The following ZFHX3 variants were observed in gnomAD, a reference collection of about 807,000 sequenced individuals.
The protein encoded by ZFHX3 is zinc finger homeobox 3, also known as zinc finger homeobox protein 3.
A neutral mutation model predicts 279.1 loss-of-function variants in ZFHX3; 42 were observed. The ratio of observed to expected loss-of-function variants is 0.15; its 90% CI spans 0.12 to 0.19. The LOEUF is 0.19. Among genes scored for constraint, ZFHX3 ranks in the 10% least tolerant of loss-of-function variants. The pLI, the probability that ZFHX3 is intolerant of heterozygous loss-of-function variation, is 1.00. For synonymous variants in ZFHX3, 2,293 were observed against 1,957.8 expected, an observed-to-expected ratio of 1.17 and a Z score of -4.52; for missense variants, 4,981 against 4,754.0, an observed-to-expected ratio of 1.05 and a Z score of -1.40.
At chr16:72,852,879 A>G (rs2037653919) in intron 4 of ZFHX3, among the ~76,000 whole-genome samples, 1 of 152,202 alleles carries the variant, frequency 6.6e-6, no homozygotes, top group African/African-American at 2.4e-5. Context: ...TCACTAAGTC[A>G]TTAGTTAAAC....
intron 1 of ZFHX3, among the ~76,000 whole-genome samples, chr16:73,694,619 G>C (rs1336153449): frequency 6.6e-6 from 1 of 152,176 alleles, no homozygotes; most frequent in Non-Finnish European, 1.5e-5. Context: ...TGGGATTACA[G>C]GCGTGAGCCA....
intron 1 of ZFHX3, among the ~76,000 whole-genome samples, chr16:73,055,682 G>A (rs1053586295): frequency 2.0e-5 from 2 of 100,742 alleles, no homozygotes; most frequent in Non-Finnish European, 4.2e-5. Context: ...AGACGTACGC[G>A]CGCGCGCGCG....
At chr16:73,563,503 C>T (rs2020407209) in intron 2 of ZFHX3, among the ~76,000 whole-genome samples, 1 of 151,862 alleles carries the variant, frequency 6.6e-6, no homozygotes, top group African/African-American at 2.4e-5. Flanking sequence ...GTGATCCGCC[C>T]GCCTCAGCCT....
chr16:72,823,645 G>T (rs8058014), intron 5 of ZFHX3, among the ~76,000 whole-genome samples: 127,445 of 152,210 alleles, frequency 0.84, 53,836 homozygotes, highest in East Asian at 0.96. Flanking sequence ...AGAGAAATCT[G>T]GGAAAGTTAT....
chr16:73,253,195 A>C (rs1026929502), intron 5 of ZFHX3, among the ~76,000 whole-genome samples: 1 of 152,184 alleles, frequency 6.6e-6, no homozygotes, highest in Non-Finnish European at 1.5e-5. Context: ...TAAAGAAAGA[A>C]GGAGAGAATC....
Position 73,352,161 on chromosome 16 carries a change from TTA to T in ZFHX3, c.-1290-33827_-1290-33826del, listed in dbSNP as rs551168054. 1.1e-3 allele frequency among the ~76,000 whole-genome samples: 160 copies of T among 152,306 alleles called. 1 individual carries two copies. Among genetic ancestry groups the T allele is most frequent in the African/African-American group, 3.5e-3 (144 of 41,562 alleles). On this transcript the variant is annotated intron_variant, in intron 3 of 17. Transcript: ENST00000641206. ...GGTACTATCTTTTATACACAGCCTT[TTA>T]GCTCATGCCTCTCACCCGCAGAGAG...
intron 1 of ZFHX3, among the ~76,000 whole-genome samples, chr16:72,965,266 A>C (rs909746297): frequency 6.6e-6 from 1 of 152,204 alleles, no homozygotes; most frequent in African/African-American, 2.4e-5. Flanking sequence ...GCACCCAGGG[A>C]CTGTCCTAAG....
At chr16:73,397,121 T>C (rs1012901384) in intron 3 of ZFHX3, among the ~76,000 whole-genome samples, 1 of 152,214 alleles carries the variant, frequency 6.6e-6, no homozygotes. Flanking sequence ...GTTACTTACA[T>C]GGATGTCTAA....
intron 2 of ZFHX3, chr16:73,483,482 G>A (rs1275440839): frequency 2.3e-6 from 1 of 428,920 alleles, no homozygotes; most frequent in Middle Eastern, 3.5e-4. Context: ...AATTCAAATG[G>A]CAGTTCCGTC....
intron 4 of ZFHX3, among the ~76,000 whole-genome samples, chr16:73,260,662 T>C (rs1167729875): frequency 6.6e-6 from 1 of 151,006 alleles, no homozygotes; most frequent in Non-Finnish European, 1.5e-5. Context: ...TGTTCTTTGT[T>C]AGTGGTGCAC....
intron 2 of ZFHX3, among the ~76,000 whole-genome samples, chr16:73,549,887 AAAT>A (rs2020177711): frequency 6.6e-6 from 1 of 151,664 alleles, no homozygotes; most frequent in African/African-American, 2.4e-5. Context: ...TTTCCCATCA[AAAT>A]TACATGAGAA....
intron 5 of ZFHX3, among the ~76,000 whole-genome samples, chr16:73,230,642 C>G (rs566996401): frequency 1.3e-5 from 2 of 152,178 alleles, no homozygotes; most frequent in African/African-American, 4.8e-5. Flanking sequence ...GTACCTTCAT[C>G]AGTAGACCTA....
At chr16:73,760,796 TA>T (rs2053856047) in intron 1 of ZFHX3, among the ~76,000 whole-genome samples, 1 of 151,972 alleles carries the variant, frequency 6.6e-6, no homozygotes, top group Admixed American at 6.6e-5. Context: ...AAACTCTCAA[TA>T]AAGAAAGGTA....
intron 3 of ZFHX3, among the ~76,000 whole-genome samples, chr16:72,892,093 T>C (rs1290213678): frequency 6.6e-6 from 1 of 152,200 alleles, no homozygotes; most frequent in Non-Finnish European, 1.5e-5. Context: ...CGTACTGACA[T>C]GCACACGTCC....
chr16:73,556,307 G>A (rs527612465), intron 2 of ZFHX3, among the ~76,000 whole-genome samples: 3 of 152,110 alleles, frequency 2.0e-5, no homozygotes, highest in Non-Finnish European at 4.4e-5. Flanking sequence ...AGGAGAGAAC[G>A]AAAGGAGTGG....
At chr16:73,617,016 G>A (rs977882609) in intron 2 of ZFHX3, among the ~76,000 whole-genome samples, 10 of 152,102 alleles carry the variant, frequency 6.6e-5, no homozygotes, top group Admixed American at 5.2e-4. Context: ...CCAAGCACTC[G>A]GCCATTTTCT....
intron 5 of ZFHX3, among the ~76,000 whole-genome samples, chr16:72,819,088 G>A (rs1168190813): frequency 2.6e-5 from 4 of 152,134 alleles, no homozygotes; most frequent in African/African-American, 4.8e-5. Flanking sequence ...AGCTTCACAG[G>A]AAGTCTCAAG....
intron 1 of ZFHX3, among the ~76,000 whole-genome samples, chr16:73,856,450 A>T (rs947607549): frequency 2.6e-5 from 4 of 152,192 alleles, no homozygotes; most frequent in Non-Finnish European, 4.4e-5. Flanking sequence ...AGGGGGAAAA[A>T]AATTCTTTCT....
intron 2 of ZFHX3, among the ~76,000 whole-genome samples, chr16:73,459,103 A>C (rs2018426600): frequency 6.6e-6 from 1 of 152,218 alleles, no homozygotes; most frequent in African/African-American, 2.4e-5. Flanking sequence ...AATTCCTCCA[A>C]ACAGACCAGA....
Sources: gnomAD v4.1 joint callset for allele counts (sites outside exome capture counted in the v4.1 genomes callset) on GRCh38, gnomAD v4.1.1 for gene constraint, MANE v1.5 for transcripts, NCBI Gene and HGNC (gene_info 2026-07-23, HGNC 2026-07-21) for gene names.